The following PDE7B variants were observed in gnomAD, a reference collection of about 807,000 sequenced individuals.
The protein encoded by PDE7B is 3',5'-cyclic-AMP phosphodiesterase 7B.
A neutral mutation model predicts 56.2 loss-of-function variants in PDE7B; 29 were observed. That is an observed-to-expected ratio of 0.52 (90% CI 0.38 to 0.70). PDE7B has a LOEUF of 0.70. Among genes scored for constraint, PDE7B ranks in the 30% least tolerant of loss-of-function variants. PDE7B has a pLI of 0.00. For synonymous variants in PDE7B, 197 were observed against 196.9 expected (o/e 1.00, Z 0.00); for missense variants, 490 against 565.0 (o/e 0.87, Z 1.35).
intron 2 of PDE7B, among the ~76,000 whole-genome samples, chr6:136,048,180 A>G (rs968186984): frequency 1.3e-5 from 2 of 152,220 alleles, no homozygotes. Flanking sequence ...CCAACACATA[A>G]GACAGTGATT....
rs191414162 is a variant in PDE7B, at chr6:135,855,039, G to A, written c.21+3020G>A. Among the ~76,000 whole-genome samples, 102 of 152,316 alleles carry A rather than the reference G, an allele frequency of 6.7e-4. No homozygotes were observed. The Middle Eastern group carries it at 0.014, about 20-fold the overall frequency. On this transcript the variant is annotated intron_variant, in intron 1 of 12. Transcript: ENST00000308191. The stretch of plus-strand genomic sequence containing the variant: ...TGCACTAGAAAGGGCGGTGAACAGA[G>A]GTAGTGAACCAAGGTGGTTCATTCA...
At position 136,192,017 on chromosome 6, in the gene PDE7B, G is replaced by A. The variant is rs749909378; in HGVS notation, c.*177G>A. The stretch of plus-strand genomic sequence containing the variant: ...CCCTCCTTTTCGCAAATGTACAGAA[G>A]CCATTTGTCACCTCAGCATTCGCTG... On this transcript the variant is annotated 3_prime_UTR_variant, in exon 13 of 13. Coordinates refer to ENST00000308191, the MANE Select transcript of PDE7B (RefSeq NM_018945.4). The A allele has an allele frequency of 1.7e-6, 1 of 605,754 alleles. No individual in the cohort carries two copies. The allele number at this position is 605,754 out of a possible 1,614,324, so 37.5% of individuals were successfully genotyped here.
At chr6:135,865,853 A>AC (rs1583715908) in intron 1 of PDE7B, among the ~76,000 whole-genome samples, 2 of 152,296 alleles carry the variant, frequency 1.3e-5, no homozygotes, top group East Asian at 3.9e-4. Flanking sequence ...GTCTGCAGCT[A>AC]TTCATTTTTA....
At chr6:135,927,948 A>C (rs1774219085) in intron 1 of PDE7B, among the ~76,000 whole-genome samples, 1 of 152,190 alleles carries the variant, frequency 6.6e-6, no homozygotes, top group Admixed American at 6.5e-5. Context: ...ACAAGAAACC[A>C]ATAATCCCAT....
chr6:135,936,222 C>T (rs1186967885), intron 1 of PDE7B, among the ~76,000 whole-genome samples: 8 of 152,168 alleles, frequency 5.3e-5, no homozygotes, highest in Admixed American at 5.2e-4. Flanking sequence ...ACTCGTTTGT[C>T]CTGAGTAAAT....
chr6:136,022,433 G>T (rs1024828617), intron 2 of PDE7B, among the ~76,000 whole-genome samples: 1 of 152,172 alleles, frequency 6.6e-6, no homozygotes, highest in African/African-American at 2.4e-5. Context: ...CAAGTACAAG[G>T]AGAATAAATT....
intron 3 of PDE7B, among the ~76,000 whole-genome samples, chr6:136,123,808 C>T (rs996658207): frequency 6.6e-6 from 1 of 152,150 alleles, no homozygotes; most frequent in Non-Finnish European, 1.5e-5. Flanking sequence ...TTGCAATTTC[C>T]ATTTGCTGAA....
In PDE7B at chr6:135,977,892, T is replaced by A. The variant is rs575369727; in HGVS notation, c.82+30368T>A. 2.0e-5 allele frequency among the ~76,000 whole-genome samples: 3 copies of A among 152,238 alleles called. No homozygotes were observed. In the East Asian group the frequency reaches 5.8e-4, roughly 29 times the overall value. ...AACCGCAATTACTTTTGCACCAGCC[T>A]AATAACTCCAACAGATTGAGAACAA... is the stretch of plus-strand genomic sequence containing the variant. On this transcript the variant is annotated intron_variant, in intron 2 of 12. Coordinates refer to ENST00000308191, the MANE Select transcript of PDE7B (RefSeq NM_018945.4).
chr6:136,156,700 T>A (rs967931646), intron 8 of PDE7B, among the ~76,000 whole-genome samples: 1 of 152,194 alleles, frequency 6.6e-6, no homozygotes, highest in Non-Finnish European at 1.5e-5. Context: ...CATACAGATA[T>A]CTTCAGTGTC....
chr6:136,133,100 C>T (rs926698149), intron 3 of PDE7B, among the ~76,000 whole-genome samples: 1 of 151,944 alleles, frequency 6.6e-6, no homozygotes, highest in African/African-American at 2.4e-5. Context: ...CCTTTGTAAC[C>T]TATAAAGAAA....
At position 136,177,803 on chromosome 6, in the gene PDE7B, C is replaced by G. The variant is rs116051495; in HGVS notation, c.804-1194C>G. ...CAGGGAGACTTCTGCACATGCGTAACTAGAGGTATATAAGAATATTTACTG... is the reference window on the plus strand; with the variant it reads ...CAGGGAGACTTCTGCACATGCGTAAGTAGAGGTATATAAGAATATTTACTG... On this transcript the variant is annotated intron_variant, in intron 9 of 12. Coordinates refer to ENST00000308191, the MANE Select transcript of PDE7B (RefSeq NM_018945.4). Among the ~76,000 whole-genome samples, 435 of 152,068 alleles carry G rather than the reference C, an allele frequency of 2.9e-3. 4 individuals are homozygous for G. The highest frequency in any genetic ancestry group is 9.6e-3 in the African/African-American group (396 of 41,440).
chr6:136,087,592 C>T (rs1417581899), intron 2 of PDE7B, among the ~76,000 whole-genome samples: 1 of 152,030 alleles, frequency 6.6e-6, no homozygotes, highest in Non-Finnish European at 1.5e-5. Flanking sequence ...TTTTTGAGAC[C>T]TAAAATCATT....
chr6:135,985,359 G>A (rs1047182697), intron 2 of PDE7B, among the ~76,000 whole-genome samples: 1 of 152,198 alleles, frequency 6.6e-6, no homozygotes, highest in African/African-American at 2.4e-5. Context: ...ATAGGACAAG[G>A]CAACTAGAGG....
At chr6:136,154,654 A>T (rs963572126) in intron 7 of PDE7B, among the ~76,000 whole-genome samples, 8 of 152,178 alleles carry the variant, frequency 5.3e-5, no homozygotes, top group African/African-American at 1.7e-4. Flanking sequence ...GCCCAAGAAA[A>T]CTTGTGAATG....
intron 1 of PDE7B, among the ~76,000 whole-genome samples, chr6:135,890,609 C>T (rs1394499878): frequency 6.6e-6 from 1 of 152,096 alleles, no homozygotes; most frequent in Non-Finnish European, 1.5e-5. Flanking sequence ...CACCATCTTC[C>T]CTGAGATCAT....
intron 1 of PDE7B, among the ~76,000 whole-genome samples, chr6:135,926,967 T>C (rs1245651349): frequency 6.6e-6 from 1 of 152,210 alleles, no homozygotes; most frequent in Non-Finnish European, 1.5e-5. Flanking sequence ...GAATTCATGT[T>C]CTTATTAAAT....
chr6:135,950,200 G>C (rs184418246), intron 2 of PDE7B, among the ~76,000 whole-genome samples: 1 of 152,056 alleles, frequency 6.6e-6, no homozygotes. Context: ...TTATGAGCAC[G>C]TAAGTCCCTA....
In PDE7B at chr6:136,151,220, T is replaced by C; in HGVS notation, c.443T>C (p.Phe148Ser). 1.2e-6 allele frequency: 2 copies of C among 1,609,884 alleles called. No individual in the cohort carries two copies. Among genetic ancestry groups the C allele is most frequent in the Non-Finnish European group, 1.7e-6 (2 of 1,176,260 alleles). ...LFNTHGLIHH[F>S]KLDMVTLHRF... ...AATACCCATGGACTCATTCACCATT[T>C]CAAGTTAGATATGGTGACCTTACAC... is the stretch of plus-strand genomic sequence containing the variant. The change falls in exon 6 of 13, where the codon TTC (phenylalanine) becomes TCC (serine). Residue 148 changes from phenylalanine to serine, a missense_variant. Coordinates refer to ENST00000308191, the MANE Select transcript of PDE7B (RefSeq NM_018945.4).
At chr6:135,999,247 C>A (rs1038524569) in intron 2 of PDE7B, among the ~76,000 whole-genome samples, 2 of 152,016 alleles carry the variant, frequency 1.3e-5, no homozygotes, top group African/African-American at 2.4e-5. Context: ...GCTATAGAAC[C>A]TTTGTTTACC....
Sources: allele counts gnomAD v4.1 joint callset (sites outside exome capture counted in the v4.1 genomes callset), GRCh38; gene constraint gnomAD v4.1.1; transcripts MANE v1.5; gene names NCBI Gene and HGNC (gene_info 2026-07-23, HGNC 2026-07-21).